Variants in ZC3HAV1L observed in about 807,000 individuals in gnomAD.
The protein encoded by ZC3HAV1L is ZC3HAV1 like.
A neutral mutation model predicts 28.2 loss-of-function variants in ZC3HAV1L; 23 were observed. The ratio of observed to expected loss-of-function variants is 0.82; its 90% CI spans 0.59 to 1.16. The LOEUF (loss-of-function observed/expected upper bound fraction) is 1.16, where lower values mean the gene tolerates loss of function less well. Ranked by LOEUF, ZC3HAV1L falls within the 50% of genes most tolerant of loss-of-function variation. The pLI, the probability that ZC3HAV1L is intolerant of heterozygous loss-of-function variation, is 0.00. For missense variants in ZC3HAV1L, 376 were observed against 387.7 expected (o/e 0.97, Z 0.25); for synonymous variants, 180 against 163.4 (o/e 1.10, Z -0.78).
chr7:139,034,192 T>C (rs1438037190), intron 2 of ZC3HAV1L: 1 of 984,798 alleles, frequency 1.0e-6, no homozygotes, highest in Non-Finnish European at 1.2e-6. Flanking sequence ...CTCTGTTTTC[T>C]CAACATCTCC....
intron 2 of ZC3HAV1L, among the ~76,000 whole-genome samples, chr7:139,030,462 G>A (rs1815491341): frequency 6.6e-6 from 1 of 152,088 alleles, no homozygotes; most frequent in Non-Finnish European, 1.5e-5. Flanking sequence ...AAATAAAATA[G>A]AGGCGGAGGT....
At chr7:139,031,815 G>A (rs1211878135) in intron 2 of ZC3HAV1L, among the ~76,000 whole-genome samples, 1 of 151,972 alleles carries the variant, frequency 6.6e-6, no homozygotes, top group Non-Finnish European at 1.5e-5. Context: ...TGAGGCAGGA[G>A]AATCGCTTGA....
At chr7:139,034,415 T>C (rs1815633853) in intron 2 of ZC3HAV1L, 128 bp downstream of exon 2, 2 of 1,418,198 alleles carry the variant, frequency 1.4e-6, no homozygotes, top group Non-Finnish European at 9.5e-7. Context: ...AGGGTACCTT[T>C]AAAGCATTTG....
intron 2 of ZC3HAV1L, among the ~76,000 whole-genome samples, chr7:139,033,381 A>G (rs1041002862): frequency 1.3e-5 from 2 of 152,220 alleles, no homozygotes; most frequent in African/African-American, 4.8e-5. Context: ...ATGCACCAGC[A>G]TGAAACTTTA....
At chr7:139,035,233 G>A in intron 1 of ZC3HAV1L, 3 of 985,480 alleles carry the variant, frequency 3.0e-6, no homozygotes, top group Non-Finnish European at 3.6e-6. Context: ...TTCTGCACAA[G>A]TGTGTGGATA....
intron 2 of ZC3HAV1L, among the ~76,000 whole-genome samples, chr7:139,031,824 G>C (rs1451393646): frequency 6.6e-6 from 1 of 152,000 alleles, no homozygotes; most frequent in Non-Finnish European, 1.5e-5. Flanking sequence ...AGAATCGCTT[G>C]AACCAGGGAG....
chr7:139,035,768 C>T lies in ZC3HAV1L; in HGVS notation c.250G>A (p.Ala84Thr). 1 of 1,496,634 alleles carries T rather than the reference C, an allele frequency of 6.7e-7. No individual in the cohort carries two copies. Among genetic ancestry groups the T allele is most frequent in the Non-Finnish European group, 8.8e-7 (1 of 1,131,388 alleles). 92.7% of individuals were successfully genotyped at this position (1,496,634 alleles called of 1,614,324 possible). Residue 84 changes from alanine to threonine, a missense_variant, in exon 1 of 5, where the codon GCC becomes ACC. Coordinates refer to ENST00000275766, the MANE Select transcript of ZC3HAV1L (RefSeq NM_080660.4). The stretch of plus-strand genomic sequence containing the variant: ...GCGCAGAGGCGCACAGAGGACACGG[C>T]CACCACCCTCCAGGCGGAGGTGCCG... ...GGGTSAWRVVAVSSVRLCARY... is the reference protein window; with the variant it reads ...GGGTSAWRVVTVSSVRLCARY...
chr7:139,031,286 G>A (rs10265107), intron 2 of ZC3HAV1L, among the ~76,000 whole-genome samples: 73,612 of 151,836 alleles, frequency 0.48, 18,324 homozygotes, highest in Non-Finnish European at 0.52. Flanking sequence ...TGTCTCTACA[G>A]AAAAATTTAA....
intron 2 of ZC3HAV1L, 152 bp downstream of exon 2, chr7:139,034,391 G>C: frequency 7.8e-7 from 1 of 1,278,402 alleles, no homozygotes; most frequent in Non-Finnish European, 1.1e-6. Flanking sequence ...ATTTCGCCAT[G>C]ATAGCAATTA....
downstream of ZC3HAV1L, among the ~76,000 whole-genome samples, chr7:139,024,091 T>C (rs113549716): frequency 1.1e-3 from 171 of 152,316 alleles, no homozygotes; most frequent in African/African-American, 3.5e-3. Context: ...TACATTGAAT[T>C]TGTAGAGTCT....
rs768169524 is a variant in ZC3HAV1L, at chr7:139,028,801, G to A, written c.661C>T (p.Leu221=). 2.5e-6 allele frequency: 4 copies of A among 1,614,186 alleles called. No homozygotes were observed. The South Asian group carries it at 3.3e-5, about 13-fold the overall frequency. The part of the protein sequence containing the change: ...HQLIHAASLK[L]LQDQGLNIPS... ...ATATTCAGTCCTTGGTCCTGTAGCAGCTTCAAAGATGCAGCATGGATAAGC... is the reference window on the plus strand; with the variant it reads ...ATATTCAGTCCTTGGTCCTGTAGCAACTTCAAAGATGCAGCATGGATAAGC... Residue 221 remains leucine, a synonymous_variant, in exon 3 of 5, where the codon CTG becomes TTG. Transcript: ENST00000275766.
At chr7:139,032,176 T>C (rs1029858546) in intron 2 of ZC3HAV1L, among the ~76,000 whole-genome samples, 4 of 152,098 alleles carry the variant, frequency 2.6e-5, no homozygotes, top group African/African-American at 9.7e-5. Flanking sequence ...TTGGAGATCA[T>C]GGAAAATAGA....
chr7:139,035,249 G>C lies in ZC3HAV1L; in HGVS notation c.365+404C>G, dbSNP rs75243478. The C allele has an allele frequency of 2.1e-3, 2,028 of 985,392 alleles. 37 individuals carry two copies. The African/African-American group carries it at 0.033, about 16-fold the overall frequency. The allele number at this position is 985,392 out of a possible 1,614,324, so 61.0% of individuals were successfully genotyped here. On this transcript the variant is annotated intron_variant, in intron 1 of 4. Transcript: ENST00000275766. ...TCTGCACAAGTGTGTGGATATGGGG[G>C]AGCAGCGATTTCCGGCTAAAGGGTC...
At chr7:139,023,781 A>G (rs1456395314), downstream of ZC3HAV1L, among the ~76,000 whole-genome samples, 1 of 152,188 alleles carries the variant, frequency 6.6e-6, no homozygotes, top group Non-Finnish European at 1.5e-5. Flanking sequence ...ATGACTTGAA[A>G]ACCACTGAGT....
rs1473338326 is a variant in ZC3HAV1L at position 139,035,642 on chromosome 7, C to G, written c.365+11G>C. 3 of 1,397,556 alleles carry G rather than the reference C, an allele frequency of 2.1e-6. No individual in the cohort carries two copies. Among genetic ancestry groups the G allele is most frequent in the Non-Finnish European group, 2.8e-6 (3 of 1,084,430 alleles). 86.6% of individuals were successfully genotyped at this position (1,397,556 alleles called of 1,614,324 possible). ...AGCGCCCACAGTCCCCGCCCGCCGC[C>G]GCCTTCTCACCAGCAGTCCCGGTTG... On this transcript the variant is annotated intron_variant, in intron 1 of 4. Coordinates refer to ENST00000275766, the MANE Select transcript of ZC3HAV1L (RefSeq NM_080660.4).
chr7:139,035,978 G>T lies in ZC3HAV1L; in HGVS notation c.40C>A (p.Leu14Met). Residue 14 changes from leucine (L) to methionine (M), a missense_variant, in exon 1 of 5, where the codon CTG (leucine) becomes ATG (methionine). Leu to Met is a conservative substitution (Grantham distance 15). Transcript: ENST00000275766. ...PTVCSFLTKV[L>M]CAHGGRMFLK... ...AACATGCGGCCGCCGTGGGCGCACA[G>T]CACCTTGGTGAGGAAGGAGCACACT... The T allele has an allele frequency of 6.6e-7, 1 of 1,525,388 alleles. No individual in the cohort carries two copies. The allele number at this position is 1,525,388 out of a possible 1,614,324, so 94.5% of individuals were successfully genotyped here. A position where few individuals can be genotyped will look rare whatever the true frequency, so the allele number is the denominator to read the frequency against.
chr7:139,024,171 G>A (rs892748204), downstream of ZC3HAV1L, among the ~76,000 whole-genome samples: 4 of 152,100 alleles, frequency 2.6e-5, no homozygotes, highest in Non-Finnish European at 4.4e-5. Flanking sequence ...ACTATAATGC[G>A]ATAACTTTCT....
chr7:139,035,409 G>T (rs2068687563), intron 1 of ZC3HAV1L: 1 of 985,210 alleles, frequency 1.0e-6, no homozygotes, highest in Admixed American at 6.1e-5. Flanking sequence ...GGCGGGCGGG[G>T]GCAGCAACTT....
At chr7:139,033,715 T>C in intron 2 of ZC3HAV1L, 3 of 985,160 alleles carry the variant, frequency 3.0e-6, no homozygotes, top group Non-Finnish European at 3.6e-6. Flanking sequence ...TTCGATAGAT[T>C]TGACAAAATA....
Sources: gnomAD v4.1 joint callset for allele counts (sites outside exome capture counted in the v4.1 genomes callset) on GRCh38, gnomAD v4.1.1 for gene constraint, MANE v1.5 for transcripts, NCBI Gene and HGNC (gene_info 2026-07-23, HGNC 2026-07-21) for gene names.